Variants in RAB11FIP2 observed in about 807,000 individuals in gnomAD.
The protein encoded by RAB11FIP2 is rab11 family-interacting protein 2.
Under a neutral mutation model 40.9 loss-of-function variants are expected in RAB11FIP2, and 16 were observed. The ratio of observed to expected loss-of-function variants is 0.39; its 90% CI spans 0.26 to 0.59. The LOEUF (loss-of-function observed/expected upper bound fraction) is 0.59. Ranked by LOEUF, RAB11FIP2 falls within the 20% of genes least tolerant of loss-of-function variation. The probability of loss-of-function intolerance (pLI) is 0.53; values close to 1 mark genes in which losing one functional copy is unlikely to be tolerated. For missense variants in RAB11FIP2, 532 were observed against 606.2 expected, an observed-to-expected ratio of 0.88 and a Z score of 1.28; for synonymous variants, 228 against 213.7, an observed-to-expected ratio of 1.07 and a Z score of -0.58.
In RAB11FIP2 at chr10:118,045,501, T is replaced by C. The variant is rs149852783; in HGVS notation, c.353+310A>G. On this transcript the variant is annotated intron_variant, in intron 1 of 4. Coordinates refer to ENST00000355624, the MANE Select transcript of RAB11FIP2 (RefSeq NM_014904.3). ...ATCCATAACAATTTATATGAAGTTC[T>C]AGTTGGTCAATACTGTGATCCAGTC... 848 of 239,566 alleles carry C rather than the reference T, an allele frequency of 3.5e-3. 16 individuals carry two copies. The highest frequency in any genetic ancestry group is 0.018 in the African/African-American group (796 of 44,062). 14.8% of individuals were successfully genotyped at this position (239,566 alleles called of 1,614,324 possible).
At chr10:118,037,520 T>C (rs917145249) in intron 3 of RAB11FIP2, among the ~76,000 whole-genome samples, 1 of 152,088 alleles carries the variant, frequency 6.6e-6, no homozygotes. Context: ...AAATATAACA[T>C]GACGATACAT....
chr10:118,035,013 T>C (rs1194852047), intron 3 of RAB11FIP2, among the ~76,000 whole-genome samples: 1 of 152,034 alleles, frequency 6.6e-6, no homozygotes, highest in Non-Finnish European at 1.5e-5. Context: ...CAATGGGACA[T>C]ATGTGGAAGT....
chr10:118,033,875 A>G (rs1846448166), intron 3 of RAB11FIP2: 5 of 678,686 alleles, frequency 7.4e-6, no homozygotes, highest in Non-Finnish European at 1.3e-5. Flanking sequence ...TATAAATCTC[A>G]GTAACTTATA....
chr10:118,036,373 T>C (rs1846481394), intron 3 of RAB11FIP2, among the ~76,000 whole-genome samples: 3 of 152,110 alleles, frequency 2.0e-5, no homozygotes, highest in Admixed American at 2.0e-4. Flanking sequence ...TGTGAGCCCA[T>C]AGCTCCAAAA....
intron 4 of RAB11FIP2, 128 bp from the exon 5 acceptor site, chr10:118,009,353 G>A (rs1005766582): frequency 1.2e-6 from 1 of 843,332 alleles, no homozygotes; most frequent in Non-Finnish European, 1.8e-6. Flanking sequence ...TGCTTAAAGT[G>A]AATGTGACAG....
rs1022586310 is a variant in RAB11FIP2, at chr10:118,046,406, G to T, written c.-243C>A. 4 of 517,668 alleles carry T rather than the reference G, an allele frequency of 7.7e-6. No homozygotes were observed. Among genetic ancestry groups the T allele is most frequent in the Non-Finnish European group, 1.0e-5 (3 of 290,468 alleles). 32.1% of individuals were successfully genotyped at this position (517,668 alleles called of 1,614,324 possible). A position where few individuals can be genotyped will look rare whatever the true frequency, so the allele number is the denominator to read the frequency against. ...AGGCCCACCATCACCTGGCCGCGCC[G>T]TGCAGGCCTCTGCGCGGACCCCCGC... On this transcript the variant is annotated 5_prime_UTR_variant, in exon 1 of 5. Transcript: ENST00000355624.
chr10:118,044,278 A>T (rs1846598855), intron 1 of RAB11FIP2, among the ~76,000 whole-genome samples: 1 of 152,188 alleles, frequency 6.6e-6, no homozygotes, highest in Non-Finnish European at 1.5e-5. Flanking sequence ...GAAATACATG[A>T]TCCATGAATA....
rs41302717 is a variant in RAB11FIP2, at chr10:118,008,420, C to A, written c.*578G>T. Reference sequence around the variant, plus strand: ...CATTTTCAAATCAAGAAATTGGTAGCCTAACTTTAGAGGCAATCAATTGTT... The same window carrying A: ...CATTTTCAAATCAAGAAATTGGTAGACTAACTTTAGAGGCAATCAATTGTT... On this transcript the variant is annotated 3_prime_UTR_variant, in exon 5 of 5. Transcript: ENST00000355624. The A allele has an allele frequency of 0.046, 6,979 of 153,138 alleles. 514 individuals are homozygous for A. Among genetic ancestry groups the A allele is most frequent in the African/African-American group, 0.16 (6,593 of 41,412 alleles). The allele number at this position is 153,138 out of a possible 1,614,324, so 9.5% of individuals were successfully genotyped here. A position where few individuals can be genotyped will look rare whatever the true frequency, so the allele number is the denominator to read the frequency against.
At chr10:118,012,481 C>A (rs1020371411) in intron 4 of RAB11FIP2, among the ~76,000 whole-genome samples, 4 of 151,686 alleles carry the variant, frequency 2.6e-5, no homozygotes, top group African/African-American at 9.7e-5. Context: ...ACAATGTAAA[C>A]CTTCTAATTT....
At position 118,040,238 on chromosome 10, in the gene RAB11FIP2, T is replaced by G. The variant is rs1846537771; in HGVS notation, c.681A>C (p.Ser227=). ...TATGGGACCCAGATAAATCAGACATTGAATGCGCTGACGAGAGTCGCTGAG... is the reference window on the plus strand; with the variant it reads ...TATGGGACCCAGATAAATCAGACATGGAATGCGCTGACGAGAGTCGCTGAG... ...LGPQRLSSAH[S]MSDLSGSHMS... Residue 227 remains serine, a synonymous_variant, in exon 2 of 5, where the codon TCA becomes TCC. Coordinates refer to ENST00000355624, the MANE Select transcript of RAB11FIP2 (RefSeq NM_014904.3). 1 of 1,613,638 alleles carries G rather than the reference T, an allele frequency of 6.2e-7. No homozygotes were observed. The highest frequency in any genetic ancestry group is 1.1e-5 in the South Asian group (1 of 91,076).
intron 1 of RAB11FIP2, among the ~76,000 whole-genome samples, chr10:118,042,845 C>G (rs980928648): frequency 6.6e-6 from 1 of 151,940 alleles, no homozygotes; most frequent in East Asian, 1.9e-4. Flanking sequence ...CCAAAAAAAA[C>G]TGCAAAGAAC....
intron 1 of RAB11FIP2, among the ~76,000 whole-genome samples, chr10:118,044,800 A>C (rs1167647719): frequency 6.6e-6 from 1 of 152,040 alleles, no homozygotes; most frequent in Non-Finnish European, 1.5e-5. Context: ...AAAGTTTTTT[A>C]AAGAGTAAAT....
At chr10:118,015,034 T>G (rs368293290) in intron 4 of RAB11FIP2, 31 bp downstream of exon 4, 1 of 1,566,884 alleles carries the variant, frequency 6.4e-7, no homozygotes, top group Admixed American at 1.8e-5. Flanking sequence ...GCTTACTCTT[T>G]GACAACCCTC....
intron 3 of RAB11FIP2, chr10:118,033,915 C>A: frequency 1.4e-6 from 1 of 699,960 alleles, no homozygotes; most frequent in Non-Finnish European, 2.6e-6. Flanking sequence ...GGACAAGGGC[C>A]ACTTGGCTAT....
chr10:118,027,635 G>T (rs1471849965), intron 3 of RAB11FIP2, among the ~76,000 whole-genome samples: 1 of 152,084 alleles, frequency 6.6e-6, no homozygotes, highest in South Asian at 2.1e-4. Flanking sequence ...TGGCTCCTTG[G>T]TAGCCTAAAG....
chr10:118,022,427 G>A (rs1346403476), intron 3 of RAB11FIP2, among the ~76,000 whole-genome samples: 1 of 152,048 alleles, frequency 6.6e-6, no homozygotes, highest in Non-Finnish European at 1.5e-5. Context: ...ACCTCCTCCT[G>A]AATAATGACA....
chr10:118,040,156 G>T lies in RAB11FIP2; in HGVS notation c.763C>A (p.Gln255Lys). The T allele has an allele frequency of 6.2e-7, 1 of 1,613,670 alleles. No individual in the cohort carries two copies. Among genetic ancestry groups the T allele is most frequent in the Non-Finnish European group, 8.5e-7 (1 of 1,179,702 alleles). ...GGAACTGTTCCAAAGGAATCTAACT[G>T]GTGTCCGAGAAGATGTGTTTGACCT... ...TIGQTHLLGHQLDSFGTVPES... is the reference protein window; with the variant it reads ...TIGQTHLLGHKLDSFGTVPES... The change falls in exon 2 of 5, where the codon CAG becomes AAG. Residue 255 changes from glutamine to lysine, a missense_variant. Physicochemically the swap from Gln to Lys is moderately conservative, Grantham distance 53. Coordinates refer to ENST00000355624, the MANE Select transcript of RAB11FIP2 (RefSeq NM_014904.3).
At chr10:118,038,948 G>C (rs1196551705) in intron 3 of RAB11FIP2, 24 bp downstream of exon 3, 2 of 1,470,562 alleles carry the variant, frequency 1.4e-6, no homozygotes, top group South Asian at 1.3e-5. Flanking sequence ...CCAAATAGTA[G>C]AACTTCCCCC....
Position 118,006,230 on chromosome 10 carries a change from T to C in RAB11FIP2, c.*2768A>G, listed in dbSNP as rs1161918522. The C allele has an allele frequency of 6.6e-6, 1 of 152,596 alleles. No homozygotes were observed. The highest frequency in any genetic ancestry group is 1.9e-4 in the East Asian group (1 of 5,206). 9.5% of individuals were successfully genotyped at this position (152,596 alleles called of 1,614,324 possible). ...CTGAATTTTAGAATTGGTTATAAAA[T>C]AATACTGCTTTAAAAATAATAGCAG... On this transcript the variant is annotated 3_prime_UTR_variant, in exon 5 of 5. Coordinates refer to ENST00000355624, the MANE Select transcript of RAB11FIP2 (RefSeq NM_014904.3).
Sources: allele counts gnomAD v4.1 joint callset (sites outside exome capture counted in the v4.1 genomes callset), GRCh38; gene constraint gnomAD v4.1.1; transcripts MANE v1.5; gene names NCBI Gene and HGNC (gene_info 2026-07-23, HGNC 2026-07-21).